The following NEK11 variants were observed in gnomAD, a reference collection of about 807,000 sequenced individuals.
The protein encoded by NEK11 is serine/threonine-protein kinase Nek11.
A neutral mutation model predicts 80.7 loss-of-function variants in NEK11; 72 were observed. The observed-to-expected ratio is 0.89, with a 90% CI of 0.74 to 1.08. The LOEUF is 1.08. NEK11 is among the 50% of genes least tolerant of loss of function. The probability of loss-of-function intolerance (pLI) is 0.00; values close to 1 mark genes in which losing one functional copy is unlikely to be tolerated. For missense variants in NEK11, 764 were observed against 763.6 expected, an observed-to-expected ratio of 1.00 and a Z score of -0.01; for synonymous variants, 251 against 260.7, an observed-to-expected ratio of 0.96 and a Z score of 0.36.
In NEK11 at chr3:131,169,209, C is replaced by G. The variant is rs80292144; in HGVS notation, c.1284+272C>G. ...CTTTGAGTGCTTTCCTCCCCCTTGC[C>G]CATATACATGTTTATGATTTAATTT... On this transcript the variant is annotated intron_variant, in intron 13 of 17. Coordinates refer to ENST00000383366, the MANE Select transcript of NEK11 (RefSeq NM_024800.5). Among the ~76,000 whole-genome samples, 746 of 152,230 alleles carry G rather than the reference C, an allele frequency of 4.9e-3. 10 individuals carry two copies. Among genetic ancestry groups the G allele is most frequent in the African/African-American group, 0.017 (709 of 41,536 alleles).
intron 16 of NEK11, among the ~76,000 whole-genome samples, chr3:131,261,072 G>A (rs548612951): frequency 2.0e-5 from 3 of 152,278 alleles, no homozygotes; most frequent in Admixed American, 6.5e-5. Flanking sequence ...AATTTTAGAA[G>A]AAATTTTTCA....
chr3:131,060,245 G>A (rs920313745), intron 3 of NEK11, among the ~76,000 whole-genome samples: 3 of 152,182 alleles, frequency 2.0e-5, no homozygotes, highest in Non-Finnish European at 4.4e-5. Context: ...CAATGAGCAA[G>A]GGTGAAGTTA....
At chr3:131,156,592 G>A (rs764259337) in intron 10 of NEK11, among the ~76,000 whole-genome samples, 3 of 152,110 alleles carry the variant, frequency 2.0e-5, no homozygotes, top group Non-Finnish European at 4.4e-5. Context: ...GCTTAATACA[G>A]TAGATATTTT....
At chr3:131,092,782 T>C (rs2076916286) in intron 4 of NEK11, 1 of 152,220 alleles carries the variant, frequency 6.6e-6, no homozygotes, top group Non-Finnish European at 1.5e-5. Context: ...TTAGAGTGAT[T>C]TAAGCCTGCC....
chr3:131,343,718 C>T (rs1018883971), intron 17 of NEK11, among the ~76,000 whole-genome samples: 2 of 152,194 alleles, frequency 1.3e-5, no homozygotes, highest in Admixed American at 1.3e-4. Flanking sequence ...ATGGCTTGCA[C>T]CCTCTGGAGC....
intron 15 of NEK11, among the ~76,000 whole-genome samples, chr3:131,236,370 CT>C (rs371616789): frequency 0.066 from 10,081 of 152,010 alleles, 478 homozygotes; most frequent in Non-Finnish European, 0.1. Flanking sequence ...ATCAGCCCTG[CT>C]TTTTTTTCGT....
At chr3:131,054,624 GC>G (rs1330734482) in intron 3 of NEK11, 3 of 151,934 alleles carry the variant, frequency 2.0e-5, no homozygotes, top group Non-Finnish European at 4.4e-5. Context: ...AGGCATGGTG[GC>G]ACATGCCTGT....
chr3:131,258,593 T>C (rs1304001152), intron 16 of NEK11, among the ~76,000 whole-genome samples: 1 of 152,182 alleles, frequency 6.6e-6, no homozygotes, highest in Non-Finnish European at 1.5e-5. Context: ...AATTACTGAA[T>C]GTCAATCCAA....
At chr3:131,279,819 C>G (rs2096366563) in intron 17 of NEK11, among the ~76,000 whole-genome samples, 1 of 152,186 alleles carries the variant, frequency 6.6e-6, no homozygotes, top group Non-Finnish European at 1.5e-5. Flanking sequence ...AGAACTGTCA[C>G]AAGGAGACTC....
At chr3:131,107,703 GA>G (rs5852615) in intron 4 of NEK11, among the ~76,000 whole-genome samples, 138,278 of 152,064 alleles carry the variant, frequency 0.91, 63,389 homozygotes, top group Non-Finnish European at 0.95. Flanking sequence ...GTGTTTGGTT[GA>G]AAAAATATCA....
At position 131,088,004 on chromosome 3, in the gene NEK11, T is replaced by C. The variant is rs919564263; in HGVS notation, c.336+7416T>C. 3.9e-5 allele frequency: 6 copies of C among 152,244 alleles called. No individual in the cohort carries two copies. In the South Asian group the frequency reaches 6.2e-4, roughly 16 times the overall value. 9.4% of individuals were successfully genotyped at this position (152,244 alleles called of 1,614,324 possible). On this transcript the variant is annotated intron_variant, in intron 4 of 17. Coordinates refer to ENST00000383366, the MANE Select transcript of NEK11 (RefSeq NM_024800.5). ...TGAACTCAAATCAGGCATCCACACA[T>C]TGGGGCTGTCCACACCTCAGGACTG...
At chr3:131,057,658 ATG>A (rs1324617811) in intron 3 of NEK11, among the ~76,000 whole-genome samples, 1 of 151,822 alleles carries the variant, frequency 6.6e-6, no homozygotes, top group Non-Finnish European at 1.5e-5. Context: ...GCATTTTTTC[ATG>A]TGTTTTTTGG....
At chr3:131,276,770 A>C (rs1173435814) in intron 17 of NEK11, among the ~76,000 whole-genome samples, 1 of 152,206 alleles carries the variant, frequency 6.6e-6, no homozygotes, top group East Asian at 1.9e-4. Context: ...GATTGAATTC[A>C]GGAAATTTCA....
Position 131,048,774 on chromosome 3 carries a change from T to C in NEK11, c.170+18896T>C, listed in dbSNP as rs185678007. 5.9e-5 allele frequency among the ~76,000 whole-genome samples: 9 copies of C among 152,380 alleles called. No individual in the cohort carries two copies. In the East Asian group the frequency reaches 1.7e-3, roughly 29 times the overall value. ...GTCTTCACACGCTGCTCTGTCTGTC[T>C]GAGTGGGAGCTGCAAGTTAGTCCTG... On this transcript the variant is annotated intron_variant, in intron 3 of 17. Coordinates refer to ENST00000383366, the MANE Select transcript of NEK11 (RefSeq NM_024800.5).
chr3:131,316,554 C>G (rs1293535187), intron 17 of NEK11, among the ~76,000 whole-genome samples: 2 of 152,226 alleles, frequency 1.3e-5, no homozygotes, highest in African/African-American at 4.8e-5. Flanking sequence ...AGAATATATG[C>G]ATTAACTAGT....
chr3:131,174,930 C>G, intron 14 of NEK11: 1 of 1,428,668 alleles, frequency 7.0e-7, no homozygotes, highest in African/African-American at 1.4e-5. Flanking sequence ...GACCAGCTGT[C>G]ACCTCTTCAT....
intron 14 of NEK11, among the ~76,000 whole-genome samples, chr3:131,181,590 C>CA (rs1288576767): frequency 6.6e-6 from 1 of 151,604 alleles, no homozygotes; most frequent in Non-Finnish European, 1.5e-5. Flanking sequence ...ACTAAAAATA[C>CA]AAAAAATTAG....
At chr3:131,189,485 A>G (rs1312113223) in intron 14 of NEK11, among the ~76,000 whole-genome samples, 1 of 152,182 alleles carries the variant, frequency 6.6e-6, no homozygotes, top group Non-Finnish European at 1.5e-5. Flanking sequence ...CATCTTTTAT[A>G]AGGGTACTAA....
intron 14 of NEK11, among the ~76,000 whole-genome samples, chr3:131,195,904 C>T (rs2093991246): frequency 6.8e-6 from 1 of 147,252 alleles, no homozygotes; most frequent in Non-Finnish European, 1.5e-5. Flanking sequence ...ATTTTTATAC[C>T]CATTAACCAG....
Sources: allele counts gnomAD v4.1 joint callset (sites outside exome capture counted in the v4.1 genomes callset), GRCh38; gene constraint gnomAD v4.1.1; transcripts MANE v1.5; gene names NCBI Gene and HGNC (gene_info 2026-07-23, HGNC 2026-07-21).